Variants in DOT1L observed in about 807,000 individuals in gnomAD.
DOT1L encodes the protein histone-lysine N-methyltransferase, H3 lysine-79 specific.
A neutral mutation model predicts 153.3 loss-of-function variants in DOT1L; 33 were observed. That is an observed-to-expected ratio of 0.22 (90% CI 0.16 to 0.29). The LOEUF (loss-of-function observed/expected upper bound fraction) is 0.29. Among genes scored for constraint, DOT1L ranks in the 10% least tolerant of loss-of-function variants. The pLI is 1.00. For synonymous variants in DOT1L, 1,135 were observed against 965.1 expected, an observed-to-expected ratio of 1.18 and a Z score of -3.26; for missense variants, 1,847 against 2,119.9, an observed-to-expected ratio of 0.87 and a Z score of 2.53.
chr19:2,200,011 G>A lies in DOT1L; in HGVS notation c.707+72G>A, dbSNP rs960040997. On this transcript the variant is annotated intron_variant, in intron 8 of 27. Coordinates refer to ENST00000398665, the MANE Select transcript of DOT1L (RefSeq NM_032482.3). ...AGGCGGGCGGTGGCCATGGCACCGGGGACCGGGAGCGGCCCCTCGCTCCTG... is the reference window on the plus strand; with the variant it reads ...AGGCGGGCGGTGGCCATGGCACCGGAGACCGGGAGCGGCCCCTCGCTCCTG... The A allele has an allele frequency of 4.4e-6, 7 of 1,573,874 alleles. No individual in the cohort carries two copies. The Admixed American group carries it at 7.0e-5, about 16-fold the overall frequency.
intron 8 of DOT1L, among the ~76,000 whole-genome samples, chr19:2,200,450 A>C (rs1057076415): frequency 2.6e-5 from 4 of 151,924 alleles, no homozygotes; most frequent in African/African-American, 9.7e-5. Flanking sequence ...GTCCGTCCCC[A>C]CCGCCACCTG....
Position 2,222,199 on chromosome 19 carries a change from C to G in DOT1L, c.3030C>G (p.Pro1010=). 1 of 1,613,120 alleles carries G rather than the reference C, an allele frequency of 6.2e-7. No individual in the cohort carries two copies. The highest frequency in any genetic ancestry group is 8.5e-7 in the Non-Finnish European group (1 of 1,179,854). ...ASPAHQLSSS[P]RLGGAAQGPL... is the part of the protein sequence containing the mutation. ...CCGCCCACCAGCTCTCCTCCAGTCC[C>G]CGGCTTGGTGGGGCCGCCCAGGGCC... Residue 1010 remains proline (P), a synonymous_variant, in exon 24 of 28, where the codon CCC becomes CCG. Coordinates refer to ENST00000398665, the MANE Select transcript of DOT1L (RefSeq NM_032482.3). The surrounding 1 kb of genome is among the most constrained non-coding windows in gnomAD (Gnocchi z 6.5).
At position 2,231,249 on chromosome 19, in the gene DOT1L, G is replaced by A. The variant is rs766784974; in HGVS notation, c.*1457G>A. 10 of 227,100 alleles carry A rather than the reference G, an allele frequency of 4.4e-5. No homozygotes were observed. Among genetic ancestry groups the A allele is most frequent in the African/African-American group, 6.7e-5 (3 of 44,986 alleles). 14.1% of individuals were successfully genotyped at this position (227,100 alleles called of 1,614,324 possible). A position where few individuals can be genotyped will look rare whatever the true frequency, so the allele number is the denominator to read the frequency against. ...ACTTGCTGAGCCCACCTTCTCAAGT[G>A]CTTGCTCCTGTGAGATGGCATCGGG... On this transcript the variant is annotated 3_prime_UTR_variant, in exon 28 of 28. Coordinates refer to ENST00000398665, the MANE Select transcript of DOT1L (RefSeq NM_032482.3).
At chr19:2,164,335 A>C (rs1342458057) in intron 1 of DOT1L, 70 bp downstream of exon 1, 18 of 1,101,050 alleles carry the variant, frequency 1.6e-5, no homozygotes, top group Non-Finnish European at 1.7e-5. Flanking sequence ...GACACCCCAA[A>C]CCCCCCCAAG....
At chr19:2,184,050 C>T (rs370562805) in intron 2 of DOT1L, among the ~76,000 whole-genome samples, 2 of 152,214 alleles carry the variant, frequency 1.3e-5, no homozygotes, top group African/African-American at 2.4e-5. Context: ...TTCCTCAGCA[C>T]GCTCTGTGGC....
intron 8 of DOT1L, among the ~76,000 whole-genome samples, chr19:2,200,949 C>T (rs1216312229): frequency 3.5e-5 from 5 of 144,644 alleles, no homozygotes; most frequent in African/African-American, 7.8e-5. Flanking sequence ...CCGCATTCCT[C>T]GTCCTCCCCG....
intron 3 of DOT1L, among the ~76,000 whole-genome samples, chr19:2,187,870 T>A (rs376642719): frequency 2.9e-4 from 42 of 145,288 alleles, no homozygotes; most frequent in African/African-American, 8.0e-4. Flanking sequence ...TGCAGTGAGC[T>A]GAGATCGCGC....
At chr19:2,173,223 G>A (rs1408306987) in intron 1 of DOT1L, among the ~76,000 whole-genome samples, 1 of 151,866 alleles carries the variant, frequency 6.6e-6, no homozygotes, top group East Asian at 1.9e-4. Context: ...GGAGGCCCAC[G>A]AGTCCCGCGC....
In DOT1L at chr19:2,191,887, C is replaced by T. The variant is rs557106838; in HGVS notation, c.493+647C>T. On this transcript the variant is annotated intron_variant, in intron 5 of 27. Coordinates refer to ENST00000398665, the MANE Select transcript of DOT1L (RefSeq NM_032482.3). This position sits in a 1 kb window ranked among gnomAD's most constrained non-coding sequence, Gnocchi z 6.8. ...CAACCACGGGCGGGGCTCCTTGAAA[C>T]GAGGCCCTAGGTGTGTCTTCAGCAG... 6.6e-5 allele frequency among the ~76,000 whole-genome samples: 10 copies of T among 152,182 alleles called. No homozygotes were observed. The highest frequency in any genetic ancestry group is 1.3e-4 in the Non-Finnish European group (9 of 68,022).
intron 2 of DOT1L, among the ~76,000 whole-genome samples, chr19:2,182,283 C>G (rs1222881021): frequency 1.3e-5 from 2 of 152,084 alleles, no homozygotes; most frequent in Admixed American, 1.3e-4. Flanking sequence ...TGGCTCACAC[C>G]TGGAATCCCA....
chr19:2,167,498 G>A (rs765129791), intron 1 of DOT1L, among the ~76,000 whole-genome samples: 9 of 152,226 alleles, frequency 5.9e-5, no homozygotes, highest in Middle Eastern at 3.2e-3. Flanking sequence ...GGACTGTGCC[G>A]TGTCTTTCCC....
chr19:2,171,191 C>T (rs2021600158), intron 1 of DOT1L, among the ~76,000 whole-genome samples: 2 of 152,152 alleles, frequency 1.3e-5, no homozygotes, highest in Non-Finnish European at 2.9e-5. Flanking sequence ...CTTTGATAAG[C>T]TTTGGGCCTC....
At chr19:2,194,661 A>ATGTTGGCACGTGGC (rs2022943341) in intron 7 of DOT1L, 84 bp downstream of exon 7, 11 of 1,139,138 alleles carry the variant, frequency 9.7e-6, no homozygotes, top group Non-Finnish European at 1.3e-5. Context: ...TTTCTTGCCG[A>ATGTTGGCACGTGGC]TGTTGGCACA....
chr19:2,175,690 C>T (rs1337285473), intron 1 of DOT1L, among the ~76,000 whole-genome samples: 1 of 152,008 alleles, frequency 6.6e-6, no homozygotes, highest in African/African-American at 2.4e-5. Context: ...ATTAGCCAGG[C>T]GTGGTGGCTG....
In DOT1L at chr19:2,216,599, G is replaced by T. The variant is rs1424061593; in HGVS notation, c.2242G>T (p.Val748Leu). Residue 748 changes from valine to leucine, a missense_variant, in exon 20 of 28, where the codon GTG becomes TTG. Transcript: ENST00000398665. ...YLASPLDQEVVPCTPSHVGRP... is the reference protein window; with the variant it reads ...YLASPLDQEVLPCTPSHVGRP... ...GGCCTCACCCCTGGACCAGGAGGTG[G>T]TGCCCTGTACCCCTAGCCACGTCGG... is the stretch of plus-strand genomic sequence containing the variant. 1.9e-6 allele frequency: 3 copies of T among 1,607,846 alleles called. No individual in the cohort carries two copies. In the South Asian group the frequency reaches 3.3e-5, roughly 18 times the overall value.
At chr19:2,196,300 G>C (rs1424031925) in intron 7 of DOT1L, among the ~76,000 whole-genome samples, 1 of 152,202 alleles carries the variant, frequency 6.6e-6, no homozygotes, top group Non-Finnish European at 1.5e-5. Context: ...TGAACCTTTT[G>C]GAGGATCACT....
chr19:2,220,795 ACAG>A lies in DOT1L; in HGVS notation c.2806+577_2806+579del. ...GTGTGCCAGCAAAACTGTACTTAAA[ACAG>A]CAGAGGACATGAGACCCCCAGGCTG... On this transcript the variant is annotated intron_variant, in intron 23 of 27. Coordinates refer to ENST00000398665, the MANE Select transcript of DOT1L (RefSeq NM_032482.3). The surrounding 1 kb of genome is among the most constrained non-coding windows in gnomAD (Gnocchi z 4.5). 6.1e-6 allele frequency: 2 copies of A among 330,040 alleles called. No individual in the cohort carries two copies. The highest frequency in any genetic ancestry group is 1.2e-5 in the Non-Finnish European group (2 of 166,020). The allele number at this position is 330,040 out of a possible 1,614,324, so 20.4% of individuals were successfully genotyped here. A position where few individuals can be genotyped will look rare whatever the true frequency, so the allele number is the denominator to read the frequency against.
chr19:2,232,526 A>G lies in DOT1L; in HGVS notation c.*2734A>G, dbSNP rs1312452439. 1 of 218,294 alleles carries G rather than the reference A, an allele frequency of 4.6e-6. No homozygotes were observed. The highest frequency in any genetic ancestry group is 9.2e-6 in the Non-Finnish European group (1 of 108,672). The allele number at this position is 218,294 out of a possible 1,614,324, so 13.5% of individuals were successfully genotyped here. A position where few individuals can be genotyped will look rare whatever the true frequency, so the allele number is the denominator to read the frequency against. On this transcript the variant is annotated 3_prime_UTR_variant, in exon 28 of 28. Transcript: ENST00000398665. ...CGCCCCTTCCTCTGGGCACCCCTGC[A>G]TTCTGCATCCCCACCTCTAGACGCT... is the stretch of plus-strand genomic sequence containing the variant.
At chr19:2,180,661 G>A in intron 1 of DOT1L, 52 bp from the exon 2 acceptor site, 1 of 1,608,092 alleles carries the variant, frequency 6.2e-7, no homozygotes, top group Non-Finnish European at 8.5e-7. Flanking sequence ...AGAGCGATGG[G>A]CTCACGGGGT....
Sources: allele counts gnomAD v4.1 joint callset (sites outside exome capture counted in the v4.1 genomes callset), GRCh38; gene constraint gnomAD v4.1.1; non-coding constraint Gnocchi (gnomAD v3.1); transcripts MANE v1.5; gene names NCBI Gene and HGNC (gene_info 2026-07-23, HGNC 2026-07-21).